Variants in GNG12 observed in about 807,000 individuals in gnomAD.
The protein encoded by GNG12 is guanine nucleotide-binding protein G(I)/G(S)/G(O) subunit gamma-12.
For synonymous variants in GNG12, 28 were observed against 29.7 expected, an observed-to-expected ratio of 0.94 and a Z score of 0.19; for missense variants, 69 against 83.8, an observed-to-expected ratio of 0.82 and a Z score of 0.69.
chr1:67,825,342 C>A (rs1459029164), intron 1 of GNG12, among the ~76,000 whole-genome samples: 1 of 152,106 alleles, frequency 6.6e-6, no homozygotes, highest in Admixed American at 6.5e-5. Flanking sequence ...TGTATTGTCT[C>A]CAGAAAACAG....
intron 1 of GNG12, among the ~76,000 whole-genome samples, chr1:67,788,525 G>A (rs983363199): frequency 6.6e-6 from 1 of 151,614 alleles, no homozygotes; most frequent in East Asian, 1.9e-4. Context: ...TTTTTTTAAG[G>A]AGATAGTGTC....
chr1:67,730,584 G>T (rs1646413464), intron 2 of GNG12, among the ~76,000 whole-genome samples: 1 of 151,968 alleles, frequency 6.6e-6, no homozygotes. Context: ...ACTAAAAACG[G>T]GCAAAACTGA....
chr1:67,771,871 T>C (rs1244177953), intron 2 of GNG12, among the ~76,000 whole-genome samples: 2 of 152,226 alleles, frequency 1.3e-5, no homozygotes, highest in Non-Finnish European at 2.9e-5. Flanking sequence ...AAATGGCAAC[T>C]ATGATTGTGG....
intron 1 of GNG12, among the ~76,000 whole-genome samples, chr1:67,830,210 G>C (rs1647035314): frequency 6.6e-6 from 1 of 152,074 alleles, no homozygotes; most frequent in Non-Finnish European, 1.5e-5. Flanking sequence ...TCTCCATGTG[G>C]GTCAGGCTGG....
chr1:67,747,776 T>C (rs532408435), intron 2 of GNG12, among the ~76,000 whole-genome samples: 1 of 152,378 alleles, frequency 6.6e-6, no homozygotes, highest in South Asian at 2.1e-4. Flanking sequence ...GGTAGCATCA[T>C]GTGTGGACCA....
intron 2 of GNG12, among the ~76,000 whole-genome samples, chr1:67,718,854 C>T (rs1335673216): frequency 3.3e-5 from 5 of 152,148 alleles, no homozygotes; most frequent in Admixed American, 2.0e-4. Flanking sequence ...AATGTTTTTG[C>T]CACCATAATA....
chr1:67,794,962 A>C (rs971277926), intron 1 of GNG12, among the ~76,000 whole-genome samples: 1 of 152,192 alleles, frequency 6.6e-6, no homozygotes, highest in Non-Finnish European at 1.5e-5. Flanking sequence ...TTCACTAAGC[A>C]CTGTGGATAC....
At chr1:67,761,010 C>T (rs1311373715) in intron 2 of GNG12, among the ~76,000 whole-genome samples, 1 of 152,184 alleles carries the variant, frequency 6.6e-6, no homozygotes, top group African/African-American at 2.4e-5. Context: ...GGGTAACAAA[C>T]AGGGCTCCTA....
chr1:67,775,767 A>T (rs1646701328), intron 2 of GNG12, among the ~76,000 whole-genome samples: 1 of 152,228 alleles, frequency 6.6e-6, no homozygotes, highest in Non-Finnish European at 1.5e-5. Context: ...CTTTGAAGGA[A>T]GTCAGAGCAG....
intron 2 of GNG12, among the ~76,000 whole-genome samples, chr1:67,710,989 C>T (rs1243533604): frequency 6.6e-6 from 1 of 152,332 alleles, no homozygotes; most frequent in East Asian, 1.9e-4. Flanking sequence ...CCTTCTGCTT[C>T]AGGCATAGCC....
intron 1 of GNG12, among the ~76,000 whole-genome samples, chr1:67,816,769 C>T (rs181762344): frequency 3.5e-4 from 54 of 152,254 alleles, no homozygotes; most frequent in African/African-American, 1.3e-3. Context: ...GGCCAGCACC[C>T]GACAACTCCC....
intron 2 of GNG12, among the ~76,000 whole-genome samples, chr1:67,741,347 G>A (rs11809493): frequency 0.056 from 8,503 of 152,252 alleles, 723 homozygotes; most frequent in African/African-American, 0.18. Flanking sequence ...ACTGACATGT[G>A]CAGACTACAT....
At chr1:67,754,986 T>G (rs115792357) in intron 2 of GNG12, among the ~76,000 whole-genome samples, 1 of 152,242 alleles carries the variant, frequency 6.6e-6, no homozygotes, top group Admixed American at 6.5e-5. Context: ...GAGTGTTTAG[T>G]GGTGGGCATG....
chr1:67,814,319 A>G (rs997542982), intron 1 of GNG12, among the ~76,000 whole-genome samples: 1 of 152,198 alleles, frequency 6.6e-6, no homozygotes, highest in Non-Finnish European at 1.5e-5. Context: ...CATTTTTCCA[A>G]CATTCACTCT....
chr1:67,710,080 ATATATATAGT>A (rs1646281807), intron 2 of GNG12, among the ~76,000 whole-genome samples: 1 of 45,548 alleles, frequency 2.2e-5, no homozygotes, highest in Non-Finnish European at 4.1e-5. Context: ...ATATAGTTAT[ATATATATAGT>A]TATATATATA....
At chr1:67,719,163 T>C (rs911560170) in intron 2 of GNG12, among the ~76,000 whole-genome samples, 6 of 152,176 alleles carry the variant, frequency 3.9e-5, no homozygotes, top group Non-Finnish European at 8.8e-5. Flanking sequence ...TTTCCTGGCT[T>C]CATGGGCTGT....
intron 2 of GNG12, among the ~76,000 whole-genome samples, chr1:67,741,883 A>G (rs543199702): frequency 6.6e-6 from 1 of 152,344 alleles, no homozygotes; most frequent in East Asian, 1.9e-4. Context: ...CATAAAGCAC[A>G]TTCCCATGTG....
intron 2 of GNG12, among the ~76,000 whole-genome samples, chr1:67,722,435 C>T (rs992997547): frequency 8.5e-5 from 13 of 152,160 alleles, no homozygotes; most frequent in Admixed American, 2.6e-4. Context: ...AACTCCAGCA[C>T]GATGGACTGA....
At chr1:67,719,963 C>T (rs542274705) in intron 2 of GNG12, among the ~76,000 whole-genome samples, 1 of 152,304 alleles carries the variant, frequency 6.6e-6, no homozygotes, top group Admixed American at 6.5e-5. Flanking sequence ...CATCAGCCAG[C>T]CTGAGTCTCG....
Sources: gnomAD v4.1 joint callset for allele counts (sites outside exome capture counted in the v4.1 genomes callset) on GRCh38, gnomAD v4.1.1 for gene constraint, MANE v1.5 for transcripts, NCBI Gene and HGNC (gene_info 2026-07-23, HGNC 2026-07-21) for gene names.